The following H6PD variants were observed in gnomAD, a reference collection of about 807,000 sequenced individuals.
The protein encoded by H6PD is hexose-6-phosphate dehydrogenase/glucose 1-dehydrogenase.
Under a neutral mutation model 61.2 loss-of-function variants are expected in H6PD, and 48 were observed. That is an observed-to-expected ratio of 0.78 (90% CI 0.62 to 1.00). H6PD has a LOEUF of 1.00. H6PD is among the 50% of genes least tolerant of loss of function. H6PD has a pLI of 0.00. For synonymous variants in H6PD, 480 were observed against 457.9 expected (o/e 1.05, Z -0.62); for missense variants, 1,093 against 1,065.0 (o/e 1.03, Z -0.37).
At chr1:9,259,555 GT>G (rs1421201448) in intron 3 of H6PD, among the ~76,000 whole-genome samples, 1 of 151,646 alleles carries the variant, frequency 6.6e-6, no homozygotes. Flanking sequence ...CTAGTATTAT[GT>G]TGCTGTTATT....
intron 3 of H6PD, among the ~76,000 whole-genome samples, chr1:9,250,189 G>T (rs1056332602): frequency 6.6e-6 from 1 of 152,186 alleles, no homozygotes; most frequent in Non-Finnish European, 1.5e-5. Context: ...CTGCTGTCCC[G>T]GGTGAGGGCG....
At position 9,266,740 on chromosome 1, in the gene H6PD, C is replaced by T. The variant is rs1166483220; in HGVS notation, c.*1871C>T. On this transcript the variant is annotated 3_prime_UTR_variant, in exon 5 of 5. Transcript: ENST00000377403. ...GGAATCCTGGCTTTCATTTTCAATG[C>T]CAGTCTGAGACATGTTCCCAAGCCG... 1 of 152,208 alleles carries T rather than the reference C, an allele frequency of 6.6e-6. No homozygotes were observed. Among genetic ancestry groups the T allele is most frequent in the Non-Finnish European group, 1.5e-5 (1 of 68,068 alleles). 9.4% of individuals were successfully genotyped at this position (152,208 alleles called of 1,614,324 possible). A position where few individuals can be genotyped will look rare whatever the true frequency, so the allele number is the denominator to read the frequency against.
intron 1 of H6PD, among the ~76,000 whole-genome samples, chr1:9,241,302 T>C (rs561851548): frequency 1.5e-5 from 2 of 133,644 alleles, no homozygotes; most frequent in East Asian, 5.0e-4. Flanking sequence ...CCCTGTTTTG[T>C]AGATGAAGAA....
In H6PD at chr1:9,242,731, G is replaced by A. The variant is rs181511705; in HGVS notation, c.-10-2194G>A. ...TAGCTCCTCCCTTTGTACCAGGCACGTCCAGAGCCCTGGCTACCAGGATCC... is the reference window on the plus strand; with the variant it reads ...TAGCTCCTCCCTTTGTACCAGGCACATCCAGAGCCCTGGCTACCAGGATCC... On this transcript the variant is annotated intron_variant, in intron 1 of 4. Coordinates refer to ENST00000377403, the MANE Select transcript of H6PD (RefSeq NM_004285.4). The A allele has an allele frequency of 2.0e-5, 20 of 985,468 alleles. No homozygotes were observed. In the Admixed American group the frequency reaches 7.4e-4, roughly 36 times the overall value. The allele number at this position is 985,468 out of a possible 1,614,324, so 61.0% of individuals were successfully genotyped here.
chr1:9,242,997 G>A, intron 1 of H6PD: 1 of 983,074 alleles, frequency 1.0e-6, no homozygotes, highest in Non-Finnish European at 1.2e-6. Context: ...GGTGAGGGCA[G>A]ATACAGGGAG....
chr1:9,247,104 A>G (rs1570093860), intron 3 of H6PD, 21 bp downstream of exon 3: 3 of 1,479,164 alleles, frequency 2.0e-6, no homozygotes, highest in Non-Finnish European at 9.5e-7. Flanking sequence ...GGCCCTGCGC[A>G]CTCGGTCCCC....
intron 2 of H6PD, among the ~76,000 whole-genome samples, chr1:9,246,409 C>G (rs1425102836): frequency 6.6e-6 from 1 of 152,208 alleles, no homozygotes; most frequent in African/African-American, 2.4e-5. Flanking sequence ...CTCAAAATGC[C>G]TTGGAGGCCC....
Position 9,270,952 on chromosome 1 carries a change from T to TTTTTTTTTTTTTTTC in H6PD, c.*6090_*6091insTTTTTTTCTTTTTTT, listed in dbSNP as rs1258518900. On this transcript the variant is annotated 3_prime_UTR_variant, in exon 5 of 5. Transcript: ENST00000377403. ...AGGCACATTCAGAACAAATGCTTTT[T>TTTTTTTTTTTTTTTC]TTTTTTTGAGACAGAGTCTCGCTCT... The TTTTTTTTTTTTTTTC allele has an allele frequency of 1.5e-4, 23 of 150,356 alleles. No homozygotes were observed. In the East Asian group the frequency reaches 4.5e-3, roughly 29 times the overall value. 9.3% of individuals were successfully genotyped at this position (150,356 alleles called of 1,614,324 possible).
intron 1 of H6PD, chr1:9,242,660 G>A (rs1282189995): frequency 2.0e-6 from 2 of 985,482 alleles, no homozygotes; most frequent in Non-Finnish European, 2.4e-6. Flanking sequence ...CAGAGGTGCT[G>A]GCCCTTGGGG....
rs1320112111 is a variant in H6PD at position 9,264,172 on chromosome 1, C to T, written c.1679C>T (p.Ser560Phe). 1 of 1,612,260 alleles carries T rather than the reference C, an allele frequency of 6.2e-7. No homozygotes were observed. The highest frequency in any genetic ancestry group is 1.3e-5 in the African/African-American group (1 of 74,900). ...GAGAGCCCGCTGGTCTCCGCCTGGT[C>T]CGAGGAGCTGATCTCTAAGCTGGCT... is the stretch of plus-strand genomic sequence containing the variant. ...YRESPLVSAW[S>F]EELISKLAND... is the part of the protein sequence containing the mutation. The change falls in exon 5 of 5, where the codon TCC becomes TTC. Residue 560 changes from serine to phenylalanine, a missense_variant. By Grantham distance (155) the Ser-to-Phe change is radical. Transcript: ENST00000377403.
In H6PD at chr1:9,265,600, G is replaced by A. The variant is rs1238064343; in HGVS notation, c.*731G>A. On this transcript the variant is annotated 3_prime_UTR_variant, in exon 5 of 5. Coordinates refer to ENST00000377403, the MANE Select transcript of H6PD (RefSeq NM_004285.4). ...TATAGAGAATGAGGGCTGATAACAG[G>A]AATACAGTGGCAAAGACTAGACTGT... The A allele has an allele frequency of 2.6e-5, 4 of 154,136 alleles. No homozygotes were observed. The highest frequency in any genetic ancestry group is 1.4e-5 in the Non-Finnish European group (1 of 69,420). The allele number at this position is 154,136 out of a possible 1,614,324, so 9.5% of individuals were successfully genotyped here.
rs1239214778 is a variant in H6PD, at chr1:9,264,540, A to G, written c.2047A>G (p.Asn683Asp). The G allele has an allele frequency of 6.2e-7, 1 of 1,613,350 alleles. No homozygotes were observed. The highest frequency in any genetic ancestry group is 1.7e-5 in the Admixed American group (1 of 60,036). ...YAREISALVANSSFDLVLLGM... is the reference protein window; with the variant it reads ...YAREISALVADSSFDLVLLGM... ...CAGGGAGATCTCAGCCCTGGTGGCCAACAGCAGCTTCGACCTGGTGCTGCT... is the reference window on the plus strand; with the variant it reads ...CAGGGAGATCTCAGCCCTGGTGGCCGACAGCAGCTTCGACCTGGTGCTGCT... Residue 683 changes from asparagine to aspartate, a missense_variant, in exon 5 of 5, where the codon AAC becomes GAC. Physicochemically the swap from Asn to Asp is conservative, Grantham distance 23 (BLOSUM62 1). Coordinates refer to ENST00000377403, the MANE Select transcript of H6PD (RefSeq NM_004285.4).
chr1:9,264,747 C>G lies in H6PD; in HGVS notation c.2254C>G (p.Arg752Gly). 1 of 1,613,236 alleles carries G rather than the reference C, an allele frequency of 6.2e-7. No homozygotes were observed. Among genetic ancestry groups the G allele is most frequent in the Non-Finnish European group, 8.5e-7 (1 of 1,180,002 alleles). The change falls in exon 5 of 5, where the codon CGT becomes GGT. Residue 752 changes from arginine (R) to glycine (G), a missense_variant. Arg to Gly is a moderately radical substitution (Grantham distance 125). Transcript: ENST00000377403. ...VAVLVMGRMKREITTLVSRVG... is the reference protein window; with the variant it reads ...VAVLVMGRMKGEITTLVSRVG... The stretch of plus-strand genomic sequence containing the variant: ...AGTCCTGGTCATGGGCAGGATGAAG[C>G]GTGAGATCACCACGCTGGTGAGCCG...
intron 1 of H6PD, chr1:9,239,820 T>C: frequency 5.0e-6 from 2 of 399,246 alleles, no homozygotes; most frequent in Non-Finnish European, 8.8e-6. Context: ...CATAGAGGAT[T>C]AGAACTGCTT....
chr1:9,263,242 T>C (rs1257127274), intron 4 of H6PD, among the ~76,000 whole-genome samples: 1 of 152,144 alleles, frequency 6.6e-6, no homozygotes, highest in Non-Finnish European at 1.5e-5. Context: ...AGCCCGGTTC[T>C]CCTTTCCTGG....
chr1:9,235,850 G>A (rs1057029255), intron 1 of H6PD, among the ~76,000 whole-genome samples: 4 of 152,182 alleles, frequency 2.6e-5, no homozygotes, highest in African/African-American at 4.8e-5. Flanking sequence ...GGGCTCAAGC[G>A]ATCCTCCTGC....
intron 3 of H6PD, among the ~76,000 whole-genome samples, chr1:9,261,705 G>A (rs1404543906): frequency 2.0e-5 from 3 of 152,252 alleles, no homozygotes; most frequent in African/African-American, 4.8e-5. Flanking sequence ...CCACAGTGCC[G>A]AGCCTCCTAC....
chr1:9,248,959 A>G (rs538398242), intron 3 of H6PD, among the ~76,000 whole-genome samples: 2 of 152,324 alleles, frequency 1.3e-5, no homozygotes, highest in South Asian at 2.1e-4. Flanking sequence ...TGCTGGGCCT[A>G]TGCCTGCTTC....
At chr1:9,248,313 C>T (rs1557740040) in intron 3 of H6PD, among the ~76,000 whole-genome samples, 1 of 152,158 alleles carries the variant, frequency 6.6e-6, no homozygotes, top group Non-Finnish European at 1.5e-5. Context: ...TTTCTTTCCC[C>T]CGCCCCTTGG....
Sources: allele counts gnomAD v4.1 joint callset (sites outside exome capture counted in the v4.1 genomes callset), GRCh38; gene constraint gnomAD v4.1.1; transcripts MANE v1.5; gene names NCBI Gene and HGNC (gene_info 2026-07-23, HGNC 2026-07-21).